HCFC2: variants seen among roughly 807,000 people sequenced by gnomAD.
The protein encoded by HCFC2 is host cell factor 2.
A neutral mutation model predicts 89.2 loss-of-function variants in HCFC2; 18 were observed. That is an observed-to-expected ratio of 0.20 (90% CI 0.14 to 0.30). The LOEUF (loss-of-function observed/expected upper bound fraction) is 0.30, where lower values mean the gene tolerates loss of function less well. Among genes scored for constraint, HCFC2 ranks in the 10% least tolerant of loss-of-function variants. HCFC2 has a pLI of 1.00. For synonymous variants in HCFC2, 308 were observed against 335.7 expected, an observed-to-expected ratio of 0.92 and a Z score of 0.90; for missense variants, 578 against 956.1, an observed-to-expected ratio of 0.60 and a Z score of 5.21.
chr12:104,064,613 C>G lies in HCFC2; in HGVS notation c.53C>G (p.Pro18Arg). The change falls in exon 1 of 15, where the codon CCG (proline) becomes CGG (arginine). Residue 18 changes from proline to arginine, a missense_variant. Pro to Arg is a moderately radical substitution (Grantham distance 103, BLOSUM62 -2). Coordinates refer to ENST00000229330, the MANE Select transcript of HCFC2 (RefSeq NM_013320.3). This position sits in a 1 kb window ranked among gnomAD's most constrained non-coding sequence, Gnocchi z 7.3. ...NWRRVSSFTG[P>R]VPRARHGHRA... is the part of the protein sequence containing the mutation. ...AGGCGAGTTTCTTCCTTCACGGGGC[C>G]GGTCCCCCGCGCCCGGCACGGACAC... The G allele has an allele frequency of 6.3e-7, 1 of 1,576,620 alleles. No homozygotes were observed. The highest frequency in any genetic ancestry group is 8.6e-7 in the Non-Finnish European group (1 of 1,163,766).
At chr12:104,065,206 C>T (rs1883050186) in intron 1 of HCFC2, 1 of 152,474 alleles carries the variant, frequency 6.6e-6, no homozygotes, top group South Asian at 2.1e-4. Flanking sequence ...TCAAATACAA[C>T]CCGGTGTTTG....
At chr12:104,079,358 G>T (rs1216149687) in intron 3 of HCFC2, 87 bp from the exon 4 acceptor site, 55 of 1,079,558 alleles carry the variant, frequency 5.1e-5, no homozygotes, top group Middle Eastern at 3.1e-4. Flanking sequence ...TTCACAGTAA[G>T]CACATTTTAT....
At position 104,102,141 on chromosome 12, in the gene HCFC2, C is replaced by G; in HGVS notation, c.2052C>G (p.Val684=). The G allele has an allele frequency of 6.2e-7, 1 of 1,612,982 alleles. No individual in the cohort carries two copies. Among genetic ancestry groups the G allele is most frequent in the Non-Finnish European group, 8.5e-7 (1 of 1,179,332 alleles). ...GTTTTCCTGGAGCTCCTTCTGCAGT[C>G]AGAATTTCAAAGGTGAGACATCGGG... ...IPGFPGAPSA[V]RISKNVEGIH... is the part of the protein sequence containing the mutation. The change falls in exon 14 of 15, where the codon GTC becomes GTG. Residue 684 remains valine (V), a synonymous_variant. Transcript: ENST00000229330.
intron 7 of HCFC2, among the ~76,000 whole-genome samples, chr12:104,086,310 T>C (rs918453859): frequency 1.2e-4 from 18 of 152,184 alleles, no homozygotes; most frequent in Non-Finnish European, 2.5e-4. Context: ...AGAGAAGTTA[T>C]GCTTTTGTAA....
chr12:104,069,082 G>C (rs1883239084), intron 3 of HCFC2, among the ~76,000 whole-genome samples: 3 of 152,010 alleles, frequency 2.0e-5, no homozygotes, highest in Admixed American at 2.0e-4. Context: ...GAGGTGGGTG[G>C]ATCGCTTGAG....
intron 13 of HCFC2, among the ~76,000 whole-genome samples, chr12:104,100,377 G>A (rs76986231): frequency 0.039 from 6,005 of 152,030 alleles, 144 homozygotes; most frequent in Non-Finnish European, 0.057. Context: ...CCAGGAGTTC[G>A]AGACCAGCCT....
At chr12:104,072,989 A>G (rs1033734736) in intron 3 of HCFC2, among the ~76,000 whole-genome samples, 1 of 151,986 alleles carries the variant, frequency 6.6e-6, no homozygotes, top group African/African-American at 2.4e-5. Context: ...TTGCTAGTAT[A>G]TAGAAACACA....
At chr12:104,081,605 T>G (rs1261471874) in intron 5 of HCFC2, among the ~76,000 whole-genome samples, 4 of 151,956 alleles carry the variant, frequency 2.6e-5, no homozygotes, top group Non-Finnish European at 4.4e-5. Flanking sequence ...ACCTAGTTTT[T>G]TTTTTTTTTT....
chr12:104,088,884 A>G (rs1883943366), intron 9 of HCFC2, among the ~76,000 whole-genome samples: 1 of 152,170 alleles, frequency 6.6e-6, no homozygotes. Flanking sequence ...ATGATACTGT[A>G]AAGCTTATGA....
At chr12:104,100,007 A>G (rs981032606) in intron 13 of HCFC2, among the ~76,000 whole-genome samples, 1 of 152,196 alleles carries the variant, frequency 6.6e-6, no homozygotes, top group Non-Finnish European at 1.5e-5. Context: ...AGCACAAATA[A>G]GAGTTTTTTG....
chr12:104,105,086 G>C lies in HCFC2; in HGVS notation c.*1813G>C, dbSNP rs572881512. The C allele has an allele frequency of 6.6e-6, 1 of 151,958 alleles. No individual in the cohort carries two copies. The highest frequency in any genetic ancestry group is 1.5e-5 in the Non-Finnish European group (1 of 67,866). 9.4% of individuals were successfully genotyped at this position (151,958 alleles called of 1,614,324 possible). ...TAATCATTTGTCTAGCTTCTGTAAT[G>C]TATCTGATATAGGCTAAACAAATAC... On this transcript the variant is annotated 3_prime_UTR_variant, in exon 15 of 15. Coordinates refer to ENST00000229330, the MANE Select transcript of HCFC2 (RefSeq NM_013320.3).
chr12:104,085,995 A>ATTTT (rs774649121), intron 7 of HCFC2, among the ~76,000 whole-genome samples: 2 of 109,338 alleles, frequency 1.8e-5, no homozygotes, highest in Non-Finnish European at 3.8e-5. Context: ...TCCTCCCACC[A>ATTTT]TTTTTTTTTT....
chr12:104,094,058 G>A (rs549015396), intron 10 of HCFC2, among the ~76,000 whole-genome samples: 1 of 152,160 alleles, frequency 6.6e-6, no homozygotes, highest in East Asian at 1.9e-4. Context: ...TTTTGGGTTG[G>A]ACAATAGAAT....
rs2030059368 is a variant in HCFC2 at position 104,105,393 on chromosome 12, G to GTGTGCACATTTATACCTGTTT, written c.*2121_*2141dup. On this transcript the variant is annotated 3_prime_UTR_variant, in exon 15 of 15. Transcript: ENST00000229330. ...AGCAAAGGATAGAATATTTGTTTGA[G>GTGTGCACATTTATACCTGTTT]TGTGCACATTTATACCTGTTTAGTA... The GTGTGCACATTTATACCTGTTT allele has an allele frequency of 6.6e-6, 1 of 152,002 alleles. No individual in the cohort carries two copies. Among genetic ancestry groups the GTGTGCACATTTATACCTGTTT allele is most frequent in the Non-Finnish European group, 1.5e-5 (1 of 67,904 alleles). 9.4% of individuals were successfully genotyped at this position (152,002 alleles called of 1,614,324 possible). A position where few individuals can be genotyped will look rare whatever the true frequency, so the allele number is the denominator to read the frequency against.
intron 13 of HCFC2, among the ~76,000 whole-genome samples, chr12:104,098,783 G>A (rs1884252096): frequency 6.6e-6 from 1 of 152,182 alleles, no homozygotes; most frequent in Admixed American, 6.5e-5. Flanking sequence ...GGCAGATCAC[G>A]AGGTCAGGAG....
In HCFC2 at chr12:104,101,971, G is replaced by A. The variant is rs2029953277; in HGVS notation, c.1882G>A (p.Gly628Arg). ...TTTTGCATATACTACATTTTAGGTA[G>A]GAAATGCAGATGTACCTGACTACAG... is the stretch of plus-strand genomic sequence containing the variant. ...PKGKQSISKV[G>R]NADVPDYSLL... The change falls in exon 14 of 15, where the codon GGA becomes AGA. Residue 628 changes from glycine (G) to arginine (R), a missense_variant. Gly to Arg is a moderately radical substitution (Grantham distance 125, BLOSUM62 -2). Transcript: ENST00000229330. 2.5e-6 allele frequency: 4 copies of A among 1,583,064 alleles called. No homozygotes were observed. The highest frequency in any genetic ancestry group is 2.4e-5 in the South Asian group (2 of 83,698).
chr12:104,098,194 C>A, intron 12 of HCFC2, 149 bp from the exon 13 acceptor site: 1 of 552,452 alleles, frequency 1.8e-6, no homozygotes, highest in Non-Finnish European at 3.1e-6. Flanking sequence ...TTGACCTAAT[C>A]TGTTAAGACT....
chr12:104,075,837 A>G (rs1227540748), intron 3 of HCFC2, among the ~76,000 whole-genome samples: 1 of 151,548 alleles, frequency 6.6e-6, no homozygotes, highest in Non-Finnish European at 1.5e-5. Context: ...TTTTTTTTTC[A>G]GTGTTATTTT....
chr12:104,096,547 A>T, intron 12 of HCFC2, 114 bp downstream of exon 12: 1 of 633,148 alleles, frequency 1.6e-6, no homozygotes, highest in Non-Finnish European at 2.8e-6. Context: ...TAATGAACTG[A>T]CATAAATTTA....
Sources: allele counts gnomAD v4.1 joint callset (sites outside exome capture counted in the v4.1 genomes callset), GRCh38; gene constraint gnomAD v4.1.1; non-coding constraint Gnocchi (gnomAD v3.1); transcripts MANE v1.5; gene names NCBI Gene and HGNC (gene_info 2026-07-23, HGNC 2026-07-21).